ZNF208: variants seen among roughly 807,000 people sequenced by gnomAD.
ZNF208 encodes zinc finger protein 208, also known as zinc finger protein 95.
ZNF208 carries 10 observed loss-of-function variants against 12.1 expected under a neutral mutation model. That is an observed-to-expected ratio of 0.83 (90% confidence interval 0.51 to 1.40). ZNF208 has a LOEUF of 1.40. ZNF208 is among the 40% of genes most tolerant of loss of function. The probability of loss-of-function intolerance (pLI) is 0.00; values close to 1 mark genes in which losing one functional copy is unlikely to be tolerated. For missense variants in ZNF208, 1,652 were observed against 1,485.0 expected, an observed-to-expected ratio of 1.11 and a Z score of -1.85; for synonymous variants, 497 against 488.4, an observed-to-expected ratio of 1.02 and a Z score of -0.23.
intron 4 of ZNF208, chr19:21,941,310 C>T: frequency 2.5e-6 from 1 of 398,874 alleles, no homozygotes; most frequent in Non-Finnish European, 4.4e-6. Context: ...AAACAGTTCA[C>T]ATCATGATAG....
intron 3 of ZNF208, among the ~76,000 whole-genome samples, chr19:21,975,654 T>G (rs1970416141): frequency 2.0e-5 from 3 of 151,766 alleles, no homozygotes; most frequent in Admixed American, 2.0e-4. Context: ...AAAGAACCCA[T>G]TAGCAATGGA....
intron 1 of ZNF208, among the ~76,000 whole-genome samples, chr19:21,994,042 C>T (rs1970786114): frequency 6.6e-6 from 1 of 152,144 alleles, no homozygotes; most frequent in Admixed American, 6.5e-5. Context: ...AAGGACCCAG[C>T]ATTTTTATTT....
At chr19:21,947,309 C>T (rs1470001540) in intron 4 of ZNF208, among the ~76,000 whole-genome samples, 1 of 152,104 alleles carries the variant, frequency 6.6e-6, no homozygotes, top group Non-Finnish European at 1.5e-5. Context: ...CAGCACTATC[C>T]AATGAATCTA....
intron 1 of ZNF208, among the ~76,000 whole-genome samples, chr19:21,995,949 A>C (rs1451523667): frequency 6.6e-6 from 1 of 152,180 alleles, no homozygotes; most frequent in Non-Finnish European, 1.5e-5. Context: ...GTTTTCTGTA[A>C]ATTCTCAATC....
intron 1 of ZNF208, among the ~76,000 whole-genome samples, chr19:21,990,439 CTATAT>C (rs1970711666): frequency 1.1e-5 from 1 of 92,278 alleles, no homozygotes; most frequent in African/African-American, 5.1e-5. Flanking sequence ...TTCCATTGAT[CTATAT>C]CTCTGATATC....
chr19:21,955,989 T>C (rs1045734787), intron 4 of ZNF208, among the ~76,000 whole-genome samples: 2 of 152,212 alleles, frequency 1.3e-5, no homozygotes, highest in South Asian at 2.1e-4. Context: ...TGGTCTTTGA[T>C]GATGGTGATG....
chr19:21,979,416 C>A (rs543917152), intron 3 of ZNF208, among the ~76,000 whole-genome samples: 1 of 152,142 alleles, frequency 6.6e-6, no homozygotes, highest in East Asian at 1.9e-4. Context: ...GACTGGGGGG[C>A]CAATATTCAA....
At chr19:22,006,346 G>A (rs1971043844) in intron 1 of ZNF208, among the ~76,000 whole-genome samples, 2 of 151,610 alleles carry the variant, frequency 1.3e-5, no homozygotes, top group South Asian at 4.2e-4. Context: ...TCCTCCTGTT[G>A]TAATACTCCT....
chr19:21,987,075 A>G, intron 3 of ZNF208, 141 bp downstream of exon 3: 3 of 826,764 alleles, frequency 3.6e-6, no homozygotes, highest in Non-Finnish European at 5.4e-6. Context: ...TGTGTGAGAG[A>G]AAATTAAAGA....
chr19:22,002,850 T>C (rs1375432830), intron 1 of ZNF208, among the ~76,000 whole-genome samples: 1 of 152,150 alleles, frequency 6.6e-6, no homozygotes, highest in East Asian at 1.9e-4. Flanking sequence ...ACAAACTATT[T>C]TAAAATTCAC....
chr19:21,988,420 T>C (rs1453271341), intron 2 of ZNF208, among the ~76,000 whole-genome samples: 1 of 152,162 alleles, frequency 6.6e-6, no homozygotes, highest in Non-Finnish European at 1.5e-5. Context: ...CTTCTGCTCC[T>C]GCCACCAGAA....
chr19:21,954,727 T>C (rs2145520341), intron 4 of ZNF208, among the ~76,000 whole-genome samples: 1 of 152,338 alleles, frequency 6.6e-6, no homozygotes, highest in African/African-American at 2.4e-5. Flanking sequence ...CCTATGTGTG[T>C]CTCTGCAGGT....
chr19:21,940,271 T>C (rs1396935889), intron 4 of ZNF208: 2 of 152,202 alleles, frequency 1.3e-5, no homozygotes, highest in Admixed American at 6.5e-5. Flanking sequence ...CCTTTGTAAA[T>C]GGTCAAGCTA....
chr19:21,965,899 G>A (rs1403967052), downstream of ZNF208: 1 of 151,704 alleles, frequency 6.6e-6, no homozygotes, highest in East Asian at 1.9e-4. Flanking sequence ...AAATAATAAA[G>A]GTGTAATTTG....
intron 1 of ZNF208, among the ~76,000 whole-genome samples, chr19:21,991,155 G>A (rs1365189510): frequency 6.6e-6 from 1 of 152,152 alleles, no homozygotes; most frequent in East Asian, 1.9e-4. Context: ...GAATAGGAGT[G>A]GTGAGAGAGG....
intron 4 of ZNF208, chr19:21,939,863 C>A (rs1411178108): frequency 6.6e-6 from 1 of 152,300 alleles, no homozygotes; most frequent in Admixed American, 6.5e-5. Flanking sequence ...TTTCAGCCAA[C>A]AGGTTAAAAT....
intron 1 of ZNF208, among the ~76,000 whole-genome samples, chr19:21,994,858 C>T (rs552784742): frequency 8.5e-5 from 13 of 152,136 alleles, no homozygotes; most frequent in Admixed American, 3.3e-4. Flanking sequence ...ATTGTACCCA[C>T]CATATGATCC....
chr19:21,980,870 T>G (rs771122724), intron 3 of ZNF208, among the ~76,000 whole-genome samples: 13 of 151,928 alleles, frequency 8.6e-5, no homozygotes, highest in Non-Finnish European at 1.6e-4. Flanking sequence ...TCAAAAATAA[T>G]AAAGGGGACA....
downstream of ZNF208, among the ~76,000 whole-genome samples, chr19:21,962,805 G>A (rs765931407): frequency 3.9e-5 from 6 of 152,110 alleles, no homozygotes; most frequent in African/African-American, 1.2e-4. Flanking sequence ...AATGCTTGTG[G>A]TAGAATCGAT....
Sources: allele counts gnomAD v4.1 joint callset (sites outside exome capture counted in the v4.1 genomes callset), GRCh38; gene constraint gnomAD v4.1.1; transcripts MANE v1.5; gene names NCBI Gene and HGNC (gene_info 2026-07-23, HGNC 2026-07-21).